DSCAML1: variants seen among roughly 807,000 people sequenced by gnomAD.
DSCAML1 encodes cell adhesion molecule DSCAML1.
A neutral mutation model predicts 200.5 loss-of-function variants in DSCAML1; 38 were observed. That is an observed-to-expected ratio of 0.19 (90% CI 0.15 to 0.25). The LOEUF is 0.25. Among genes scored for constraint, DSCAML1 ranks in the 10% least tolerant of loss-of-function variants. The probability of loss-of-function intolerance (pLI) is 1.00; values close to 1 mark genes in which losing one functional copy is unlikely to be tolerated. For missense variants in DSCAML1, 2,223 were observed against 2,858.8 expected (o/e 0.78, Z 5.07); for synonymous variants, 1,215 against 1,165.0 (o/e 1.04, Z -0.87).
At chr11:117,618,956 G>A (rs181489201) in intron 3 of DSCAML1, among the ~76,000 whole-genome samples, 1 of 152,236 alleles carries the variant, frequency 6.6e-6, no homozygotes, top group Middle Eastern at 3.4e-3. Context: ...TGCAGAAGGC[G>A]AGCTCCTTTG....
intron 1 of DSCAML1, among the ~76,000 whole-genome samples, chr11:117,792,604 C>T (rs1009052230): frequency 6.6e-6 from 1 of 152,112 alleles, no homozygotes; most frequent in African/African-American, 2.4e-5. Flanking sequence ...TGGTGACAAA[C>T]CAGGAGGGTG....
chr11:117,742,145 G>T (rs566016574), intron 3 of DSCAML1, among the ~76,000 whole-genome samples: 1 of 152,334 alleles, frequency 6.6e-6, no homozygotes, highest in South Asian at 2.1e-4. Flanking sequence ...GTCTAGGAAA[G>T]TCTCAGGGAT....
chr11:117,620,357 CCCT>C (rs1261405330), intron 3 of DSCAML1, among the ~76,000 whole-genome samples: 3 of 152,096 alleles, frequency 2.0e-5, no homozygotes, highest in African/African-American at 2.4e-5. Flanking sequence ...AGCTCTCTCT[CCCT>C]CCTCCTCCTC....
intron 1 of DSCAML1, among the ~76,000 whole-genome samples, chr11:117,805,306 A>G (rs2055699913): frequency 6.6e-6 from 1 of 152,160 alleles, no homozygotes; most frequent in South Asian, 2.1e-4. Context: ...GAGCTCAGCT[A>G]AGAATGCAGC....
chr11:117,458,947 T>G, intron 18 of DSCAML1, 38 bp from the exon 19 acceptor site: 1 of 1,600,690 alleles, frequency 6.2e-7, no homozygotes. Flanking sequence ...CCCAGCTCCA[T>G]CGGGCTGTGG....
intron 15 of DSCAML1, 120 bp downstream of exon 15, chr11:117,471,749 C>A: frequency 8.9e-7 from 1 of 1,119,756 alleles, no homozygotes; most frequent in Non-Finnish European, 1.2e-6. Flanking sequence ...TGTTAGGATG[C>A]TTTTCCCCAC....
At chr11:117,728,328 T>C (rs1403843064) in intron 3 of DSCAML1, among the ~76,000 whole-genome samples, 2 of 152,204 alleles carry the variant, frequency 1.3e-5, no homozygotes, top group African/African-American at 4.8e-5. Context: ...TAACATCATA[T>C]GTAATGATGA....
chr11:117,711,215 T>G (rs1183897591), intron 3 of DSCAML1, among the ~76,000 whole-genome samples: 2 of 152,208 alleles, frequency 1.3e-5, no homozygotes, highest in East Asian at 3.9e-4. Context: ...GCAAAGCAAA[T>G]GAGGTTGATG....
At chr11:117,657,128 C>G (rs779951988) in intron 3 of DSCAML1, among the ~76,000 whole-genome samples, 1 of 152,212 alleles carries the variant, frequency 6.6e-6, no homozygotes, top group Non-Finnish European at 1.5e-5. Flanking sequence ...GCAGCTAGTC[C>G]TGGAAGGTGA....
At chr11:117,637,991 C>T (rs1457664615) in intron 3 of DSCAML1, among the ~76,000 whole-genome samples, 1 of 152,220 alleles carries the variant, frequency 6.6e-6, no homozygotes, top group Non-Finnish European at 1.5e-5. Flanking sequence ...GGGGACCCCA[C>T]TCCTCACATA....
intron 3 of DSCAML1, among the ~76,000 whole-genome samples, chr11:117,551,793 G>C (rs1324001498): frequency 2.1e-5 from 3 of 139,842 alleles, no homozygotes; most frequent in Non-Finnish European, 4.7e-5. Context: ...CCTGGCGGCT[G>C]TGGGGGGCAT....
chr11:117,439,532 C>G, intron 22 of DSCAML1, 103 bp from the exon 23 acceptor site: 1 of 1,452,852 alleles, frequency 6.9e-7, no homozygotes, highest in Non-Finnish European at 9.3e-7. Context: ...TGGAAGGAGG[C>G]TCGCCAGGGA....
At chr11:117,637,704 T>C (rs1279528633) in intron 3 of DSCAML1, among the ~76,000 whole-genome samples, 1 of 151,908 alleles carries the variant, frequency 6.6e-6, no homozygotes, top group African/African-American at 2.4e-5. Flanking sequence ...TAGAATCAGA[T>C]CAAAATCAGT....
rs202231554 is a variant in DSCAML1 at position 117,472,052 on chromosome 11, C to T, written c.2786-16G>A. 243 of 1,611,638 alleles carry T rather than the reference C, an allele frequency of 1.5e-4. 3 individuals are homozygous for T. The Middle Eastern group carries it at 3.9e-3, about 26-fold the overall frequency. On this transcript the variant is annotated splice_polypyrimidine_tract_variant and intron_variant, in intron 14 of 32. Transcript: ENST00000651296. ...TCCCAGGAATCTGGAGAGAAGACACCTATGTCAAAGCATGGCCAGGCAAAC... is the reference window on the plus strand; with the variant it reads ...TCCCAGGAATCTGGAGAGAAGACACTTATGTCAAAGCATGGCCAGGCAAAC...
At chr11:117,560,117 A>G (rs867737907) in intron 3 of DSCAML1, among the ~76,000 whole-genome samples, 5 of 152,102 alleles carry the variant, frequency 3.3e-5, no homozygotes, top group Admixed American at 6.5e-5. Flanking sequence ...AGGGGGGGCC[A>G]CTTTGACCAG....
intron 3 of DSCAML1, among the ~76,000 whole-genome samples, chr11:117,704,771 G>A (rs932614630): frequency 1.3e-5 from 2 of 152,286 alleles, no homozygotes; most frequent in Non-Finnish European, 2.9e-5. Flanking sequence ...AATTGTATGC[G>A]AGTCTCGGTA....
Position 117,613,078 on chromosome 11 carries a change from T to C in DSCAML1, c.512-80556A>G, listed in dbSNP as rs972022101. ...GAAATTTCTTCCAATTTTGTGTATA[T>C]GTATATTTTTTTCTGGGGTAGAGGG... is the stretch of plus-strand genomic sequence containing the variant. On this transcript the variant is annotated intron_variant, in intron 3 of 32. Transcript: ENST00000651296. 3.3e-5 allele frequency among the ~76,000 whole-genome samples: 5 copies of C among 152,192 alleles called. No individual in the cohort carries two copies. The South Asian group carries it at 8.3e-4, about 25-fold the overall frequency.
intron 3 of DSCAML1, among the ~76,000 whole-genome samples, chr11:117,669,824 G>C (rs545073087): frequency 6.6e-6 from 1 of 152,350 alleles, no homozygotes; most frequent in South Asian, 2.1e-4. Context: ...GGAACATCCT[G>C]GTTCGTCTGA....
chr11:117,667,636 C>A (rs2053006269), intron 3 of DSCAML1, among the ~76,000 whole-genome samples: 1 of 152,162 alleles, frequency 6.6e-6, no homozygotes, highest in Non-Finnish European at 1.5e-5. Context: ...CTCAGTTTCC[C>A]ACTAGCCCCT....
Sources: gnomAD v4.1 joint callset for allele counts (sites outside exome capture counted in the v4.1 genomes callset) on GRCh38, gnomAD v4.1.1 for gene constraint, MANE v1.5 for transcripts, NCBI Gene and HGNC (gene_info 2026-07-23, HGNC 2026-07-21) for gene names.